MIPEP: variants seen among roughly 807,000 people sequenced by gnomAD.
The protein encoded by MIPEP is mitochondrial intermediate peptidase.
MIPEP carries 79 observed loss-of-function variants against 90.3 expected under a neutral mutation model. That is an observed-to-expected ratio of 0.87 (90% CI 0.73 to 1.05). The LOEUF is 1.05. Among genes scored for constraint, MIPEP ranks in the 50% least tolerant of loss-of-function variants. The pLI is 0.00. For synonymous variants in MIPEP, 334 were observed against 315.8 expected (o/e 1.06, Z -0.61); for missense variants, 940 against 905.6 (o/e 1.04, Z -0.49).
intron 10 of MIPEP, among the ~76,000 whole-genome samples, chr13:23,848,593 T>C (rs1000450346): frequency 6.6e-6 from 1 of 151,932 alleles, no homozygotes; most frequent in Non-Finnish European, 1.5e-5. Context: ...GGGGAGAAGC[T>C]GGGAATGGGA....
intron 16 of MIPEP, among the ~76,000 whole-genome samples, chr13:23,769,785 A>G (rs9578640): frequency 0.078 from 11,876 of 152,214 alleles, 1,547 homozygotes; most frequent in African/African-American, 0.27. Flanking sequence ...ACTCATGTTG[A>G]AACTTAATCC....
chr13:23,797,387 T>C (rs17079355), intron 16 of MIPEP, among the ~76,000 whole-genome samples: 22,481 of 152,074 alleles, frequency 0.15, 1,875 homozygotes, highest in African/African-American at 0.21. Context: ...TCAAATGAAA[T>C]TCATCACCCA....
chr13:23,747,893 A>G (rs1952401256), intron 18 of MIPEP, among the ~76,000 whole-genome samples: 1 of 152,192 alleles, frequency 6.6e-6, no homozygotes, highest in South Asian at 2.1e-4. Flanking sequence ...GGCGTATGCC[A>G]CCATGCCCAG....
chr13:23,763,475 G>C (rs1488869575), intron 16 of MIPEP, among the ~76,000 whole-genome samples: 2 of 152,174 alleles, frequency 1.3e-5, no homozygotes, highest in Non-Finnish European at 2.9e-5. Flanking sequence ...TTGCAGTATA[G>C]AGCAGAGTTT....
chr13:23,815,962 T>C (rs985963947), intron 14 of MIPEP, among the ~76,000 whole-genome samples: 1 of 152,228 alleles, frequency 6.6e-6, no homozygotes, highest in Non-Finnish European at 1.5e-5. Flanking sequence ...GACGATCAAA[T>C]GTATCTCATG....
chr13:23,806,690 A>C (rs578048027), intron 15 of MIPEP, among the ~76,000 whole-genome samples: 144 of 151,104 alleles, frequency 9.5e-4, no homozygotes, highest in African/African-American at 3.3e-3. Context: ...ACCAAACAAA[A>C]AACAACAACA....
chr13:23,867,043 C>T (rs1827071722), intron 7 of MIPEP, among the ~76,000 whole-genome samples: 1 of 152,014 alleles, frequency 6.6e-6, no homozygotes, highest in Non-Finnish European at 1.5e-5. Context: ...ATGGTTACTG[C>T]AAAACAGCAT....
intron 17 of MIPEP, among the ~76,000 whole-genome samples, chr13:23,757,477 T>C (rs1952500380): frequency 6.6e-6 from 1 of 152,188 alleles, no homozygotes; most frequent in African/African-American, 2.4e-5. Context: ...AAAATAGTTT[T>C]GTGATTATTT....
chr13:23,799,475 C>T (rs947697906), intron 16 of MIPEP, among the ~76,000 whole-genome samples: 5 of 151,962 alleles, frequency 3.3e-5, no homozygotes, highest in East Asian at 3.9e-4. Context: ...TACATGCGCC[C>T]GCCACCACGC....
At chr13:23,880,674 T>G (rs1483039878) in intron 3 of MIPEP, among the ~76,000 whole-genome samples, 1 of 152,192 alleles carries the variant, frequency 6.6e-6, no homozygotes, top group Non-Finnish European at 1.5e-5. Flanking sequence ...GCATGCCCAG[T>G]ATCTGCACTC....
intron 10 of MIPEP, among the ~76,000 whole-genome samples, chr13:23,844,695 G>A (rs1190137173): frequency 6.6e-6 from 1 of 151,820 alleles, no homozygotes; most frequent in Non-Finnish European, 1.5e-5. Context: ...TATTTTTATG[G>A]AAAAGAAACA....
intron 18 of MIPEP, among the ~76,000 whole-genome samples, chr13:23,734,769 C>T (rs952813548): frequency 2.0e-5 from 3 of 152,008 alleles, no homozygotes; most frequent in African/African-American, 7.3e-5. Flanking sequence ...AAGACATCGT[C>T]GCCCAAACCT....
intron 2 of MIPEP, among the ~76,000 whole-genome samples, chr13:23,882,802 G>A (rs1401422000): frequency 6.6e-6 from 1 of 151,734 alleles, no homozygotes; most frequent in South Asian, 2.1e-4. Context: ...AATTGGTAAC[G>A]ATAAAATAAC....
Position 23,836,338 on chromosome 13 carries a change from G to T in MIPEP, c.1555C>A (p.Pro519Thr). Residue 519 changes from proline to threonine, a missense_variant, in exon 14 of 19, where the codon CCT (proline) becomes ACT (threonine). Physicochemically the swap from Pro to Thr is conservative, Grantham distance 38 (BLOSUM62 -1). Transcript: ENST00000382172. ...RYQHVTGTRC[P>T]TDFAEVPSIL... ...GAAGGAACCTCAGCAAAATCAGTAGGGCACCTGGTCCCTAAAACAAGAAAA... is the reference window on the plus strand; with the variant it reads ...GAAGGAACCTCAGCAAAATCAGTAGTGCACCTGGTCCCTAAAACAAGAAAA... 1 of 1,580,588 alleles carries T rather than the reference G, an allele frequency of 6.3e-7. No individual in the cohort carries two copies.
At chr13:23,841,281 T>A (rs1466094575) in intron 11 of MIPEP, 54 bp downstream of exon 11, 10 of 1,528,992 alleles carry the variant, frequency 6.5e-6, no homozygotes, top group Non-Finnish European at 8.8e-6. Flanking sequence ...TTGACTCAAC[T>A]GCCCAACCGA....
chr13:23,744,338 C>A (rs1012309971), intron 18 of MIPEP, among the ~76,000 whole-genome samples: 4 of 152,080 alleles, frequency 2.6e-5, no homozygotes, highest in African/African-American at 9.7e-5. Context: ...GTATTCCCAA[C>A]AAGGCAACTC....
At chr13:23,798,424 T>C (rs749364861) in intron 16 of MIPEP, among the ~76,000 whole-genome samples, 5 of 152,206 alleles carry the variant, frequency 3.3e-5, no homozygotes, top group Non-Finnish European at 7.3e-5. Flanking sequence ...TTGAGTATAC[T>C]GCAGCAAATC....
At chr13:23,751,601 C>A (rs1952441802) in intron 18 of MIPEP, among the ~76,000 whole-genome samples, 1 of 152,198 alleles carries the variant, frequency 6.6e-6, no homozygotes, top group Non-Finnish European at 1.5e-5. Flanking sequence ...TTACAAATAA[C>A]CTCCTGGAAT....
At chr13:23,824,083 T>C (rs7139473) in intron 14 of MIPEP, among the ~76,000 whole-genome samples, 1 of 152,004 alleles carries the variant, frequency 6.6e-6, no homozygotes, top group African/African-American at 2.4e-5. Context: ...TAGCACAGCA[T>C]TTTGGAATGA....
Sources: gnomAD v4.1 joint callset for allele counts (sites outside exome capture counted in the v4.1 genomes callset) on GRCh38, gnomAD v4.1.1 for gene constraint, MANE v1.5 for transcripts, NCBI Gene and HGNC (gene_info 2026-07-23, HGNC 2026-07-21) for gene names.